The following CD44 variants were observed in gnomAD, a reference collection of about 807,000 sequenced individuals.
The protein encoded by CD44 is CD44 molecule (IN blood group).
A neutral mutation model predicts 88.8 loss-of-function variants in CD44; 49 were observed. The ratio of observed to expected loss-of-function variants is 0.55; its 90% CI spans 0.44 to 0.70. The LOEUF (loss-of-function observed/expected upper bound fraction) is 0.70. Among genes scored for constraint, CD44 ranks in the 30% least tolerant of loss-of-function variants. The pLI is 0.00. For synonymous variants in CD44, 325 were observed against 312.3 expected (o/e 1.04, Z -0.43); for missense variants, 883 against 913.8 (o/e 0.97, Z 0.43).
At chr11:35,165,080 T>A (rs1231532189) in intron 1 of CD44, among the ~76,000 whole-genome samples, 1 of 152,252 alleles carries the variant, frequency 6.6e-6, no homozygotes, top group South Asian at 2.1e-4. Flanking sequence ...GTAGGGTGGG[T>A]GCTGGAAGAG....
At chr11:35,213,277 A>G (rs182946696) in intron 14 of CD44, among the ~76,000 whole-genome samples, 8 of 152,212 alleles carry the variant, frequency 5.3e-5, no homozygotes, top group Admixed American at 6.5e-5. Flanking sequence ...ATTTTCCATA[A>G]TTCTCCATGG....
Position 35,196,781 on chromosome 11 carries a change from G to A in CD44, c.703G>A (p.Ala235Thr). 6.2e-7 allele frequency: 1 copy of A among 1,613,688 alleles called. No individual in the cohort carries two copies. The highest frequency in any genetic ancestry group is 1.7e-4 in the Middle Eastern group (1 of 6,060). Residue 235 changes from alanine to threonine, a missense_variant, in exon 6 of 18, where the codon GCA becomes ACA. By Grantham distance (58) the Ala-to-Thr change is moderately conservative (BLOSUM62 0). Transcript: ENST00000428726. Reference sequence around the variant, plus strand: ...CACTAGTGCTACAGCAACTGAGACAGCAACCAAGAGGCAAGAAACCTGGGA... The same window carrying A: ...CACTAGTGCTACAGCAACTGAGACAACAACCAAGAGGCAAGAAACCTGGGA... ...MSTSATATET[A>T]TKRQETWDWF...
rs966371700 is a variant in CD44 at position 35,228,418 on chromosome 11, C to T, written c.2025-711C>T. ...CATTCAGTAATAATGCTGACAAGGC[C>T]GACAAAGTGTTGACTGGGAGAGGAA... On this transcript the variant is annotated intron_variant, in intron 17 of 17. Transcript: ENST00000428726. 9.9e-5 allele frequency among the ~76,000 whole-genome samples: 15 copies of T among 152,002 alleles called. 1 individual carries two copies. Among genetic ancestry groups the T allele is most frequent in the South Asian group, 6.2e-4 (3 of 4,814 alleles).
intron 3 of CD44, among the ~76,000 whole-genome samples, chr11:35,184,478 A>T (rs774133287): frequency 2.0e-5 from 3 of 152,234 alleles, no homozygotes; most frequent in Non-Finnish European, 4.4e-5. Flanking sequence ...TACAAATATC[A>T]GAAGCATCTC....
At position 35,176,670 on chromosome 11, in the gene CD44, G is replaced by A. The variant is rs1944500141; in HGVS notation, c.163G>A (p.Ala55Thr). 1 of 1,614,164 alleles carries A rather than the reference G, an allele frequency of 6.2e-7. No homozygotes were observed. The highest frequency in any genetic ancestry group is 8.5e-7 in the Non-Finnish European group (1 of 1,180,014). Reference sequence around the variant, plus strand: ...GACGGAGGCCGCTGACCTCTGCAAGGCTTTCAATAGCACCTTGCCCACAAT... The same window carrying A: ...GACGGAGGCCGCTGACCTCTGCAAGACTTTCAATAGCACCTTGCCCACAAT... Reference protein sequence around the residue: ...SRTEAADLCKAFNSTLPTMAQ... With the variant: ...SRTEAADLCKTFNSTLPTMAQ... The change falls in exon 2 of 18, where the codon GCT (alanine) becomes ACT (threonine). Residue 55 changes from alanine to threonine, a missense_variant. Transcript: ENST00000428726.
intron 4 of CD44, among the ~76,000 whole-genome samples, chr11:35,187,968 G>C (rs1048538208): frequency 4.6e-5 from 7 of 152,168 alleles, no homozygotes; most frequent in African/African-American, 7.2e-5. Flanking sequence ...GCCTCCCAAA[G>C]TGCCAGGATT....
intron 17 of CD44, chr11:35,222,684 A>T: frequency 1.8e-5 from 16 of 914,102 alleles, no homozygotes; most frequent in Non-Finnish European, 2.1e-5. Flanking sequence ...CAGGGGTATA[A>T]ATCTAAATTT....
chr11:35,181,921 T>TTATATATAAATA (rs371328712), intron 3 of CD44, among the ~76,000 whole-genome samples: 1 of 68,216 alleles, frequency 1.5e-5, no homozygotes, highest in African/African-American at 6.5e-5. Context: ...ATATTATATA[T>TTATATATAAATA]TATATTATAT....
chr11:35,225,370 G>A (rs1315889011), intron 17 of CD44, among the ~76,000 whole-genome samples: 1 of 152,110 alleles, frequency 6.6e-6, no homozygotes, highest in Admixed American at 6.6e-5. Flanking sequence ...CTAAACCCCA[G>A]CCAGCCTGCC....
chr11:35,176,777 C>G, intron 2 of CD44, 37 bp downstream of exon 2: 1 of 1,595,010 alleles, frequency 6.3e-7, no homozygotes, highest in East Asian at 2.2e-5. Context: ...GGAAAGCTGG[C>G]GGCCTGGGAC....
chr11:35,221,588 T>C lies in CD44; in HGVS notation c.1946-66T>C, dbSNP rs547161917. ...TGTTTCAACTAGGTCAATTATAAAG[T>C]GCATTTTTGTTTTTACAAAGTGTGT... is the stretch of plus-strand genomic sequence containing the variant. On this transcript the variant is annotated intron_variant, in intron 16 of 17. Transcript: ENST00000428726. The C allele has an allele frequency of 3.7e-6, 5 of 1,344,114 alleles. No homozygotes were observed. In the South Asian group the frequency reaches 5.8e-5, roughly 16 times the overall value. 83.3% of individuals were successfully genotyped at this position (1,344,114 alleles called of 1,614,324 possible).
At chr11:35,225,200 C>T (rs1326738337) in intron 17 of CD44, among the ~76,000 whole-genome samples, 3 of 127,744 alleles carry the variant, frequency 2.3e-5, no homozygotes, top group Admixed American at 8.8e-5. Flanking sequence ...TGGCTGGTGG[C>T]TACCATATTG....
At chr11:35,225,342 A>G (rs1467396243) in intron 17 of CD44, among the ~76,000 whole-genome samples, 2 of 152,132 alleles carry the variant, frequency 1.3e-5, no homozygotes, top group Admixed American at 1.3e-4. Context: ...CATGCCATAA[A>G]AGTATGTTAC....
At chr11:35,219,864 A>AT (rs11323103) in intron 16 of CD44, among the ~76,000 whole-genome samples, 29 of 151,770 alleles carry the variant, frequency 1.9e-4, no homozygotes, top group East Asian at 5.8e-4. Context: ...TCCCCAACTA[A>AT]TTTTTTTTTG....
intron 1 of CD44, among the ~76,000 whole-genome samples, chr11:35,157,262 T>A (rs1234756015): frequency 6.6e-6 from 1 of 152,082 alleles, no homozygotes; most frequent in African/African-American, 2.4e-5. Context: ...ATCCTGTGAG[T>A]TCCAAACTCA....
chr11:35,150,292 A>T (rs1021361295), intron 1 of CD44, among the ~76,000 whole-genome samples: 2 of 152,068 alleles, frequency 1.3e-5, no homozygotes, highest in Non-Finnish European at 2.9e-5. Context: ...AATCTAGGGG[A>T]AAAAAAGCTA....
Position 35,196,865 on chromosome 11 carries a change from C to A in CD44, c.787C>A (p.Gln263Lys), listed in dbSNP as rs1946810074. 1 of 1,613,376 alleles carries A rather than the reference C, an allele frequency of 6.2e-7. No individual in the cohort carries two copies. Among genetic ancestry groups the A allele is most frequent in the Non-Finnish European group, 8.5e-7 (1 of 1,179,512 alleles). ...AAAGAATCATCTTCACACAACAACA[C>A]AAATGGCTGGTAATGAGTTATTATT... ...ESKNHLHTTT[Q>K]MAGTSSNTIS... Residue 263 changes from glutamine to lysine, a missense_variant, in exon 6 of 18, where the codon CAA becomes AAA. By Grantham distance (53) the Gln-to-Lys change is moderately conservative. Coordinates refer to ENST00000428726, the MANE Select transcript of CD44 (RefSeq NM_000610.4).
Position 35,190,080 on chromosome 11 carries a change from T to C in CD44, c.667+15T>C. On this transcript the variant is annotated intron_variant, in intron 5 of 17. Coordinates refer to ENST00000428726, the MANE Select transcript of CD44 (RefSeq NM_000610.4). ...CCCTGCTACCAGTAAGGAGAATAAA[T>C]CACTGTGCTTCCCAATAGCAATTCC... The C allele has an allele frequency of 1.2e-6, 2 of 1,600,372 alleles. No individual in the cohort carries two copies. Among genetic ancestry groups the C allele is most frequent in the Non-Finnish European group, 1.7e-6 (2 of 1,167,426 alleles).
intron 3 of CD44, 110 bp downstream of exon 3, chr11:35,180,517 A>C: frequency 4.4e-5 from 53 of 1,193,676 alleles, no homozygotes; most frequent in East Asian, 7.0e-5. Flanking sequence ...ACAAATGCTC[A>C]CTGAATATCT....
Sources: allele counts gnomAD v4.1 joint callset (sites outside exome capture counted in the v4.1 genomes callset), GRCh38; gene constraint gnomAD v4.1.1; transcripts MANE v1.5; gene names NCBI Gene and HGNC (gene_info 2026-07-23, HGNC 2026-07-21).